The following SPINK6 variants were observed in gnomAD, a reference collection of about 807,000 sequenced individuals.
The protein encoded by SPINK6 is serine protease inhibitor Kazal-type 6.
In SPINK6, 13 loss-of-function variants were observed where a neutral mutation model predicts 11.7. The ratio of observed to expected loss-of-function variants is 1.11; its 90% CI spans 0.72 to 1.76. SPINK6 has a LOEUF of 1.76. SPINK6 is among the 40% of genes most tolerant of loss of function. The pLI is 0.00. For synonymous variants in SPINK6, 21 were observed against 31.9 expected, an observed-to-expected ratio of 0.66 and a Z score of 1.15; for missense variants, 98 against 93.7, an observed-to-expected ratio of 1.05 and a Z score of -0.19.
chr5:148,212,646 AAAT>A (rs1434895819), intron 2 of SPINK6, among the ~76,000 whole-genome samples: 1,138 of 108,830 alleles, frequency 0.01, 28 homozygotes, highest in African/African-American at 0.041. Context: ...TATATAATAT[AAAT>A]ATATATATTT....
At chr5:148,206,157 C>T in intron 2 of SPINK6, 99 bp downstream of exon 2, 4 of 1,282,526 alleles carry the variant, frequency 3.1e-6, no homozygotes, top group Admixed American at 1.9e-5. Context: ...AGAGCAAAAA[C>T]AATGAGCAGG....
chr5:148,206,592 C>G (rs1755502486), intron 2 of SPINK6, among the ~76,000 whole-genome samples: 1 of 152,142 alleles, frequency 6.6e-6, no homozygotes, highest in African/African-American at 2.4e-5. Context: ...GTTTACTGCT[C>G]TGTAATGAGG....
chr5:148,210,003 T>TAC (rs1561732215), intron 2 of SPINK6, among the ~76,000 whole-genome samples: 5 of 142,004 alleles, frequency 3.5e-5, no homozygotes, highest in African/African-American at 7.5e-5. Context: ...TACACGTATG[T>TAC]ATACATGTAT....
rs1336500041 is a variant in SPINK6, at chr5:148,206,932, T to C, written c.81+874T>C. 3.9e-5 allele frequency among the ~76,000 whole-genome samples: 6 copies of C among 152,168 alleles called. No homozygotes were observed. In the East Asian group the frequency reaches 1.2e-3, roughly 29 times the overall value. On this transcript the variant is annotated intron_variant, in intron 2 of 3. Coordinates refer to ENST00000325630, the MANE Select transcript of SPINK6 (RefSeq NM_205841.4). ...AGCCATTGGAAATATTTTCCAACCCTGATATACCCACTGCATTATATAAGA... is the reference window on the plus strand; with the variant it reads ...AGCCATTGGAAATATTTTCCAACCCCGATATACCCACTGCATTATATAAGA...
At chr5:148,203,742 T>C (rs77990299) in intron 1 of SPINK6, among the ~76,000 whole-genome samples, 1,862 of 152,282 alleles carry the variant, frequency 0.012, 48 homozygotes, top group African/African-American at 0.043. Context: ...CAGAAACATA[T>C]GTTTCTGGTG....
chr5:148,214,039 T>G lies in SPINK6; in HGVS notation c.197+14T>G. On this transcript the variant is annotated intron_variant, in intron 3 of 3. Transcript: ENST00000325630. ...TAAGGCCATAGTGTAAGTATTATATTCATCAAAGCTGACCCTTGCAAACAC... is the reference window on the plus strand; with the variant it reads ...TAAGGCCATAGTGTAAGTATTATATGCATCAAAGCTGACCCTTGCAAACAC... 1 of 1,492,462 alleles carries G rather than the reference T, an allele frequency of 6.7e-7. No homozygotes were observed. Among genetic ancestry groups the G allele is most frequent in the Non-Finnish European group, 9.3e-7 (1 of 1,071,098 alleles). The allele number at this position is 1,492,462 out of a possible 1,614,324, so 92.5% of individuals were successfully genotyped here.
rs1325928671 is a variant in SPINK6, at chr5:148,206,036, G to T, written c.59G>T (p.Gly20Val). Reference sequence around the variant, plus strand: ...TTTGAATGTTGTGCTTTTCTTTCAGGTGTCTTCAGTCAGGGAGGACAGGTC... The same window carrying T: ...TTTGAATGTTGTGCTTTTCTTTCAGTTGTCTTCAGTCAGGGAGGACAGGTC... ...LSLALFCFLT[G>V]VFSQGGQVDC... is the part of the protein sequence containing the mutation. Residue 20 changes from glycine (G) to valine (V), a missense_variant and splice_region_variant, in exon 2 of 4, where the codon GGT becomes GTT. Gly to Val is a moderately radical substitution (Grantham distance 109). Transcript: ENST00000325630. 3.7e-6 allele frequency: 6 copies of T among 1,613,756 alleles called. No individual in the cohort carries two copies. In the Admixed American group the frequency reaches 5.0e-5, roughly 13 times the overall value.
chr5:148,203,054 A>T lies in SPINK6; in HGVS notation c.-43A>T, dbSNP rs747086233. On this transcript the variant is annotated 5_prime_UTR_variant, in exon 1 of 4. Coordinates refer to ENST00000325630, the MANE Select transcript of SPINK6 (RefSeq NM_205841.4). The stretch of plus-strand genomic sequence containing the variant: ...GGGAATTGTCTTGACAGAGAACCTC[A>T]GCTGGACAAAGCAGCCTTGATCTGA... The T allele has an allele frequency of 4.5e-6, 7 of 1,554,882 alleles. No individual in the cohort carries two copies. The East Asian group carries it at 1.6e-4, about 35-fold the overall frequency.
chr5:148,213,097 G>T (rs1755634500), intron 2 of SPINK6, among the ~76,000 whole-genome samples: 1 of 151,366 alleles, frequency 6.6e-6, no homozygotes, highest in Admixed American at 6.6e-5. Context: ...AAACACATTA[G>T]AATTTTGTTT....
At chr5:148,212,673 A>ATATATAGTT (rs1755626015) in intron 2 of SPINK6, among the ~76,000 whole-genome samples, 10 of 105,168 alleles carry the variant, frequency 9.5e-5, no homozygotes, top group African/African-American at 4.2e-4. Flanking sequence ...TATTTATATA[A>ATATATAGTT]TATATATTTT....
At chr5:148,214,565 A>T (rs1755657327) in intron 3 of SPINK6, among the ~76,000 whole-genome samples, 1 of 152,132 alleles carries the variant, frequency 6.6e-6, no homozygotes, top group Non-Finnish European at 1.5e-5. Flanking sequence ...AACTTCTTAC[A>T]TCTTCTGTCA....
Position 148,210,007 on chromosome 5 carries a change from C to CGTACACACGTACGTATGT in SPINK6, c.82-3903_82-3902insGTACACACGTACGTATGT, listed in dbSNP as rs1408259548. ...ATGTATACATATACACGTATGTATA[C>CGTACACACGTACGTATGT]ATGTATGTACGCATGTACGCATGCA... On this transcript the variant is annotated intron_variant, in intron 2 of 3. Coordinates refer to ENST00000325630, the MANE Select transcript of SPINK6 (RefSeq NM_205841.4). 4.7e-5 allele frequency among the ~76,000 whole-genome samples: 5 copies of CGTACACACGTACGTATGT among 105,730 alleles called. 1 individual carries two copies. Among genetic ancestry groups the CGTACACACGTACGTATGT allele is most frequent in the Non-Finnish European group, 9.2e-5 (5 of 54,620 alleles). The allele number at this position is 105,730 out of a possible 152,430, so 69.4% of individuals were successfully genotyped here.
chr5:148,213,603 A>G (rs1159332507), intron 2 of SPINK6, among the ~76,000 whole-genome samples: 2 of 152,124 alleles, frequency 1.3e-5, no homozygotes, highest in African/African-American at 2.4e-5. Context: ...GAATAGTTTA[A>G]TGTTGGAGCA....
At chr5:148,214,117 C>T (rs1404853611) in intron 3 of SPINK6, 92 bp downstream of exon 3, 6 of 674,010 alleles carry the variant, frequency 8.9e-6, no homozygotes, top group African/African-American at 1.8e-5. Context: ...AGAAAACACC[C>T]ATACCTCCCC....
Position 148,203,104 on chromosome 5 carries a change from TG to T in SPINK6, c.9del (p.Ser4GlnfsTer15). On this transcript the variant is annotated frameshift_variant, in exon 1 of 4. Transcript: ENST00000325630. LOFTEE classifies it high-confidence loss of function. ...AGTGAGCTAACTGACACAATGAAAC[TG>T]TCAGGCATGTTTCTGCTCCTCTCTC... MK[L>X]SGMFLLLSLA... 1.2e-6 allele frequency: 2 copies of T among 1,610,564 alleles called. No individual in the cohort carries two copies. Among genetic ancestry groups the T allele is most frequent in the Non-Finnish European group, 1.7e-6 (2 of 1,179,180 alleles).
chr5:148,203,299 G>A, intron 1 of SPINK6, 145 bp downstream of exon 1: 1 of 624,116 alleles, frequency 1.6e-6, no homozygotes, highest in Non-Finnish European at 2.8e-6. Context: ...TGATTGTGAT[G>A]ACGACAATGG....
At chr5:148,203,190 T>C (rs1299239694) in intron 1 of SPINK6, 36 bp downstream of exon 1, 2 of 1,487,926 alleles carry the variant, frequency 1.3e-6, no homozygotes, top group African/African-American at 2.8e-5. Context: ...CCCATATTTA[T>C]ACTGAACTGG....
intron 2 of SPINK6, among the ~76,000 whole-genome samples, chr5:148,212,650 A>AC (rs1561733817): frequency 1.7e-4 from 17 of 100,720 alleles, no homozygotes; most frequent in African/African-American, 7.8e-4. Flanking sequence ...TAATATAAAT[A>AC]TATATATTTA....
intron 2 of SPINK6, among the ~76,000 whole-genome samples, chr5:148,211,407 A>C (rs151091798): frequency 3.2e-4 from 48 of 152,266 alleles, no homozygotes; most frequent in Non-Finnish European, 5.1e-4. Context: ...AGTTACAGAG[A>C]TCTTTTAGAG....
Sources: gnomAD v4.1 joint callset for allele counts (sites outside exome capture counted in the v4.1 genomes callset) on GRCh38, gnomAD v4.1.1 for gene constraint, MANE v1.5 for transcripts, NCBI Gene and HGNC (gene_info 2026-07-23, HGNC 2026-07-21) for gene names.